THOC5: variants seen among roughly 807,000 people sequenced by gnomAD.
THOC5 encodes the protein THO complex subunit 5.
In THOC5, 43 loss-of-function variants were observed where a neutral mutation model predicts 92.9. That is an observed-to-expected ratio of 0.46 (90% confidence interval 0.36 to 0.60). The LOEUF is 0.60. Among genes scored for constraint, THOC5 ranks in the 20% least tolerant of loss-of-function variants. THOC5 has a pLI of 0.00. For synonymous variants in THOC5, 296 were observed against 320.1 expected, an observed-to-expected ratio of 0.92 and a Z score of 0.80; for missense variants, 659 against 849.4, an observed-to-expected ratio of 0.78 and a Z score of 2.79.
In THOC5 at chr22:29,549,121, C is replaced by T. The variant is rs745944643; in HGVS notation, c.27G>A (p.Arg9=). Residue 9 remains arginine (R), a synonymous_variant, in exon 2 of 20, where the codon CGG becomes CGA. Transcript: ENST00000490103. ...CATCGCTTCGGATCACTTTGGGCTT[C>T]CGTTTTTTGCTCGATTCTGATGACA... The part of the protein sequence containing the change: MSSESSKK[R]KPKVIRSDGA... The T allele has an allele frequency of 6.2e-7, 1 of 1,614,130 alleles. No homozygotes were observed. Among genetic ancestry groups the T allele is most frequent in the Admixed American group, 1.7e-5 (1 of 60,002 alleles).
At chr22:29,552,743 C>G (rs925464543) in intron 1 of THOC5, among the ~76,000 whole-genome samples, 3 of 152,160 alleles carry the variant, frequency 2.0e-5, no homozygotes, top group Admixed American at 6.5e-5. Flanking sequence ...GGAGGTGTAC[C>G]CAACAGCTCA....
At chr22:29,528,375 C>G (rs763505223) in intron 10 of THOC5, 51 bp downstream of exon 10, 103 of 1,613,936 alleles carry the variant, frequency 6.4e-5, no homozygotes, top group Non-Finnish European at 1.1e-5. Context: ...AACAAGCATG[C>G]CCCAGTGCAT....
chr22:29,538,144 G>A (rs960477663), intron 6 of THOC5, among the ~76,000 whole-genome samples: 2 of 151,810 alleles, frequency 1.3e-5, no homozygotes, highest in African/African-American at 4.8e-5. Flanking sequence ...CACCATGCCC[G>A]GCTAATTTTT....
intron 17 of THOC5, among the ~76,000 whole-genome samples, chr22:29,514,744 A>T (rs947834304): frequency 6.6e-6 from 1 of 151,494 alleles, no homozygotes; most frequent in Non-Finnish European, 1.5e-5. Flanking sequence ...TTGCTCTGTC[A>T]CCCAGGCTGG....
intron 4 of THOC5, among the ~76,000 whole-genome samples, chr22:29,543,181 T>C (rs1310361215): frequency 6.6e-6 from 1 of 151,352 alleles, no homozygotes; most frequent in African/African-American, 2.4e-5. Flanking sequence ...CCATCTCTAC[T>C]AAAAAATACA....
chr22:29,520,701 G>T (rs1242795316), intron 13 of THOC5, among the ~76,000 whole-genome samples: 2 of 152,136 alleles, frequency 1.3e-5, no homozygotes, highest in East Asian at 1.9e-4. Flanking sequence ...TTGCCATGTT[G>T]CCCAGGCTGG....
chr22:29,509,716 A>C lies in THOC5; in HGVS notation c.1989-1196T>G, dbSNP rs577168977. On this transcript the variant is annotated intron_variant, in intron 19 of 19. Coordinates refer to ENST00000490103, the MANE Select transcript of THOC5 (RefSeq NM_003678.5). ...TTAGACTGACAGGGAACAGAGAACA[A>C]GGTAAGGGAGAGGTAAGGCACTGCT... Among the ~76,000 whole-genome samples the C allele has an allele frequency of 4.1e-5, 6 of 147,058 alleles. No homozygotes were observed. In the East Asian group the frequency reaches 1.3e-3, roughly 32 times the overall value.
At chr22:29,524,701 A>T (rs1601408513) in intron 12 of THOC5, among the ~76,000 whole-genome samples, 1 of 152,174 alleles carries the variant, frequency 6.6e-6, no homozygotes, top group Non-Finnish European at 1.5e-5. Flanking sequence ...GGGGTGTCCA[A>T]CAACACTCTC....
intron 14 of THOC5, 72 bp downstream of exon 14, chr22:29,519,936 G>T: frequency 7.6e-7 from 1 of 1,316,732 alleles, no homozygotes; most frequent in Non-Finnish European, 1.1e-6. Context: ...ACCTGGCCTG[G>T]CCTTTCTAGA....
At chr22:29,533,728 G>C (rs2063700111) in intron 7 of THOC5, among the ~76,000 whole-genome samples, 1 of 152,112 alleles carries the variant, frequency 6.6e-6, no homozygotes, top group African/African-American at 2.4e-5. Flanking sequence ...TATCCAAAAG[G>C]CAAAATGTGC....
intron 7 of THOC5, chr22:29,536,389 G>C (rs963840992): frequency 2.0e-6 from 1 of 493,520 alleles, no homozygotes; most frequent in East Asian, 3.3e-5. Context: ...ACGTTACCCA[G>C]AGAAGGCCTC....
Position 29,512,051 on chromosome 22 carries a change from C to G in THOC5, c.1767G>C (p.Glu589Asp). Residue 589 changes from glutamate (E) to aspartate (D), a missense_variant, in exon 18 of 20, where the codon GAG (glutamate) becomes GAC (aspartate). Transcript: ENST00000490103. Reference sequence around the variant, plus strand: ...TGTTGTCATCGTTGCTGTTGGTTTTCTCCCCTTTCCAGTTCAAACAGAGCT... The same window carrying G: ...TGTTGTCATCGTTGCTGTTGGTTTTGTCCCCTTTCCAGTTCAAACAGAGCT... ...VFQLCLNWKG[E>D]KTNSNDDNIR... The G allele has an allele frequency of 6.2e-7, 1 of 1,614,132 alleles. No homozygotes were observed. Among genetic ancestry groups the G allele is most frequent in the Non-Finnish European group, 8.5e-7 (1 of 1,179,980 alleles).
chr22:29,508,309 CCA>C lies in THOC5; in HGVS notation c.*146_*147del. ...GACTGCAAAGCCACCTTGCCAGGAA[CCA>C]CAGACAAAGGCCACTGGTCAGGTGA... On this transcript the variant is annotated 3_prime_UTR_variant, in exon 20 of 20. Coordinates refer to ENST00000490103, the MANE Select transcript of THOC5 (RefSeq NM_003678.5). 1.3e-6 allele frequency: 1 copy of C among 794,348 alleles called. No individual in the cohort carries two copies. The highest frequency in any genetic ancestry group is 1.7e-5 in the African/African-American group (1 of 57,246). 49.2% of individuals were successfully genotyped at this position (794,348 alleles called of 1,614,324 possible).
chr22:29,552,508 G>A (rs1028038719), intron 1 of THOC5, among the ~76,000 whole-genome samples: 7 of 151,316 alleles, frequency 4.6e-5, no homozygotes, highest in African/African-American at 7.3e-5. Context: ...CCTCCACCCA[G>A]CAGCCGCCCC....
rs1569230675 is a variant in THOC5, at chr22:29,541,860, C to CAAA, written c.452+998_452+999insTTT. 7.6e-4 allele frequency among the ~76,000 whole-genome samples: 16 copies of CAAA among 20,980 alleles called. 2 individuals are homozygous for CAAA. The highest frequency in any genetic ancestry group is 1.2e-3 in the Non-Finnish European group (11 of 9,228). The allele number at this position is 20,980 out of a possible 152,430, so 13.8% of individuals were successfully genotyped here. ...TGGGCGACAGAGCAAGACTCCATCT[C>CAAA]CAAAAAAAAAAAAAAAAAAAAAAAA... On this transcript the variant is annotated intron_variant, in intron 5 of 19. Coordinates refer to ENST00000490103, the MANE Select transcript of THOC5 (RefSeq NM_003678.5).
rs1236240969 is a variant in THOC5 at position 29,508,299 on chromosome 22, T to C, written c.*158A>G. 2.8e-6 allele frequency: 2 copies of C among 725,984 alleles called. No homozygotes were observed. Among genetic ancestry groups the C allele is most frequent in the Non-Finnish European group, 4.5e-6 (2 of 439,890 alleles). 45.0% of individuals were successfully genotyped at this position (725,984 alleles called of 1,614,324 possible). Reference sequence around the variant, plus strand: ...TGCCCTTCCAGACTGCAAAGCCACCTTGCCAGGAACCACAGACAAAGGCCA... The same window carrying C: ...TGCCCTTCCAGACTGCAAAGCCACCCTGCCAGGAACCACAGACAAAGGCCA... On this transcript the variant is annotated 3_prime_UTR_variant, in exon 20 of 20. Coordinates refer to ENST00000490103, the MANE Select transcript of THOC5 (RefSeq NM_003678.5).
chr22:29,547,598 C>T (rs913648076), intron 2 of THOC5, among the ~76,000 whole-genome samples: 1 of 151,940 alleles, frequency 6.6e-6, no homozygotes, highest in African/African-American at 2.4e-5. Context: ...CTCCTGACCT[C>T]GTGATCCACC....
At chr22:29,522,147 G>A (rs1428369226) in intron 12 of THOC5, among the ~76,000 whole-genome samples, 4 of 150,608 alleles carry the variant, frequency 2.7e-5, no homozygotes, top group Non-Finnish European at 5.9e-5. Flanking sequence ...TCAGGAGATC[G>A]AGACCATCCT....
chr22:29,552,188 G>A (rs2146582791), intron 1 of THOC5, among the ~76,000 whole-genome samples: 1 of 152,238 alleles, frequency 6.6e-6, no homozygotes, highest in East Asian at 1.9e-4. Context: ...CAAGATTGCA[G>A]CCTCTGCCCG....
Sources: allele counts gnomAD v4.1 joint callset (sites outside exome capture counted in the v4.1 genomes callset), GRCh38; gene constraint gnomAD v4.1.1; transcripts MANE v1.5; gene names NCBI Gene and HGNC (gene_info 2026-07-23, HGNC 2026-07-21).